Variants in COG3 observed in about 807,000 individuals in gnomAD.
COG3 encodes component of oligomeric golgi complex 3.
A neutral mutation model predicts 114.1 loss-of-function variants in COG3; 32 were observed. The ratio of observed to expected loss-of-function variants is 0.28; its 90% CI spans 0.21 to 0.38. The LOEUF (loss-of-function observed/expected upper bound fraction) is 0.38. Ranked by LOEUF, COG3 falls within the 10% of genes least tolerant of loss-of-function variation. The pLI is 1.00. For synonymous variants in COG3, 352 were observed against 365.7 expected (o/e 0.96, Z 0.43); for missense variants, 813 against 973.2 (o/e 0.84, Z 2.19).
In COG3 at chr13:45,534,821, G is replaced by T; in HGVS notation, c.*90G>T. ...TCTGCAGGACACCGAGGAATCGTAT[G>T]TGGGAACGTCCCCGAGAACCACACG... On this transcript the variant is annotated 3_prime_UTR_variant, in exon 23 of 23. Transcript: ENST00000349995. 1 of 1,429,070 alleles carries T rather than the reference G, an allele frequency of 7.0e-7. No individual in the cohort carries two copies. Among genetic ancestry groups the T allele is most frequent in the African/African-American group, 1.5e-5 (1 of 67,532 alleles). 88.5% of individuals were successfully genotyped at this position (1,429,070 alleles called of 1,614,324 possible).
At position 45,509,930 on chromosome 13, in the gene COG3, A is replaced by G. The variant is rs941547534; in HGVS notation, c.1719+114A>G. On this transcript the variant is annotated intron_variant, in intron 15 of 22. Transcript: ENST00000349995. ...GGATATTCTTAAAATCATGATTTTT[A>G]GATATGGAAGTAACTTGAGGTCAAG... 2.5e-5 allele frequency: 27 copies of G among 1,095,446 alleles called. No individual in the cohort carries two copies. The African/African-American group carries it at 4.0e-4, about 16-fold the overall frequency. 67.9% of individuals were successfully genotyped at this position (1,095,446 alleles called of 1,614,324 possible). A position where few individuals can be genotyped will look rare whatever the true frequency, so the allele number is the denominator to read the frequency against.
At position 45,521,577 on chromosome 13, in the gene COG3, G is replaced by GCGCACACACACA. The variant is rs147991863; in HGVS notation, c.2154+2484_2154+2485insGCACACACACAC. ...GAGTCAGAGACAAAGATACATACGT[G>GCGCACACACACA]CACACACACACACACACACACACAC... On this transcript the variant is annotated intron_variant, in intron 19 of 22. Coordinates refer to ENST00000349995, the MANE Select transcript of COG3 (RefSeq NM_031431.4). Among the ~76,000 whole-genome samples the GCGCACACACACA allele has an allele frequency of 8.8e-3, 1,301 of 148,470 alleles. 21 individuals are homozygous for GCGCACACACACA. The highest frequency in any genetic ancestry group is 0.031 in the African/African-American group (1,241 of 40,650).
At chr13:45,509,932 A>G (rs1566263758) in intron 15 of COG3, 116 bp downstream of exon 15, 5 of 1,090,402 alleles carry the variant, frequency 4.6e-6, no homozygotes, top group Non-Finnish European at 6.5e-6. Flanking sequence ...TGATTTTTAG[A>G]TATGGAAGTA....
Position 45,529,841 on chromosome 13 carries a change from C to G in COG3, c.2281C>G (p.Leu761Val). ...TGCATATAAGACAATAAAAACAAAG[C>G]TGCCTGTGACATTGAGAAGTATGTC... ...ATAYKTIKTK[L>V]PVTLRSMSLY... Residue 761 changes from leucine to valine, a missense_variant, in exon 21 of 23, where the codon CTG (leucine) becomes GTG (valine). Leu to Val is a conservative substitution (Grantham distance 32, BLOSUM62 1). This residue lies in a region of COG3 where 389 missense variants were observed against 542.6 expected (regional missense o/e 0.72). Coordinates refer to ENST00000349995, the MANE Select transcript of COG3 (RefSeq NM_031431.4). The G allele has an allele frequency of 1.2e-6, 2 of 1,613,528 alleles. No individual in the cohort carries two copies. Among genetic ancestry groups the G allele is most frequent in the Non-Finnish European group, 1.7e-6 (2 of 1,179,536 alleles).
At chr13:45,484,915 G>T (rs1263094632) in intron 7 of COG3, among the ~76,000 whole-genome samples, 9 of 145,852 alleles carry the variant, frequency 6.2e-5, no homozygotes, top group Admixed American at 3.4e-4. Flanking sequence ...ACAGGGTTGG[G>T]GGTAAGGTCA....
At chr13:45,522,891 A>C (rs866256650) in intron 19 of COG3, among the ~76,000 whole-genome samples, 8 of 152,236 alleles carry the variant, frequency 5.3e-5, no homozygotes, top group African/African-American at 1.9e-4. Flanking sequence ...GGTAGTGGTT[A>C]TAGTAGAAAG....
chr13:45,526,338 G>A (rs151186852), intron 20 of COG3, among the ~76,000 whole-genome samples: 3 of 151,638 alleles, frequency 2.0e-5, no homozygotes, highest in East Asian at 1.9e-4. Flanking sequence ...CGCCCACCTC[G>A]ACCTCCCAAA....
chr13:45,512,522 A>G (rs1870975847), intron 16 of COG3, among the ~76,000 whole-genome samples: 1 of 152,026 alleles, frequency 6.6e-6, no homozygotes, highest in Non-Finnish European at 1.5e-5. Flanking sequence ...TTGTGGAGAC[A>G]GGATTTTGTC....
chr13:45,505,017 T>C (rs2137865358), intron 14 of COG3, among the ~76,000 whole-genome samples: 1 of 151,786 alleles, frequency 6.6e-6, no homozygotes, highest in South Asian at 2.1e-4. Flanking sequence ...TGAAACCCCG[T>C]CTCTACTAAA....
At chr13:45,500,090 GTGTGTATATATATATATA>G (rs1241606655) in intron 13 of COG3, among the ~76,000 whole-genome samples, 655 of 42,664 alleles carry the variant, frequency 0.015, 4 homozygotes, top group Admixed American at 0.034. Flanking sequence ...GTGTGTGTGT[GTGTGTATATATATATATA>G]TATATATAAA....
intron 7 of COG3, among the ~76,000 whole-genome samples, chr13:45,484,218 A>T (rs1886427212): frequency 6.6e-6 from 1 of 152,204 alleles, no homozygotes; most frequent in Non-Finnish European, 1.5e-5. Flanking sequence ...TAGCTGACAT[A>T]CCAACTAACC....
chr13:45,468,349 C>T (rs139239573), intron 1 of COG3, among the ~76,000 whole-genome samples: 2 of 152,236 alleles, frequency 1.3e-5, no homozygotes, highest in East Asian at 3.9e-4. Context: ...AAGTTACTTG[C>T]TATTATTCTT....
At chr13:45,523,118 T>G (rs1173414901) in intron 19 of COG3, among the ~76,000 whole-genome samples, 1 of 151,342 alleles carries the variant, frequency 6.6e-6, no homozygotes, top group Non-Finnish European at 1.5e-5. Flanking sequence ...AAAGGAAGTA[T>G]AATTCCAGGT....
chr13:45,484,581 T>C (rs909649581), intron 7 of COG3, among the ~76,000 whole-genome samples: 5 of 4,742 alleles, frequency 1.1e-3, no homozygotes, highest in Non-Finnish European at 1.3e-3. Context: ...AGCTTGCTTA[T>C]TTATTTATTT....
intron 19 of COG3, among the ~76,000 whole-genome samples, chr13:45,522,072 T>C (rs1055440162): frequency 2.0e-5 from 3 of 152,202 alleles, no homozygotes; most frequent in African/African-American, 7.2e-5. Flanking sequence ...CCCAAAGTGC[T>C]GAGATAACAG....
At chr13:45,521,623 A>T (rs1486950868) in intron 19 of COG3, among the ~76,000 whole-genome samples, 1 of 151,878 alleles carries the variant, frequency 6.6e-6, no homozygotes, top group Non-Finnish European at 1.5e-5. Context: ...CAGACACTGC[A>T]TCTTAAAATT....
chr13:45,482,014 A>G (rs1379820249), intron 5 of COG3, among the ~76,000 whole-genome samples: 1 of 152,160 alleles, frequency 6.6e-6, no homozygotes, highest in East Asian at 1.9e-4. Context: ...TTTAATCTTC[A>G]GAAAAATCAC....
chr13:45,486,289 TCGGGAGACGGGAGACGGGAGA>T (rs772080989), intron 7 of COG3, among the ~76,000 whole-genome samples, 185 bp from the exon 8 acceptor site: 1,966 of 108,788 alleles, frequency 0.018, 325 homozygotes, highest in African/African-American at 0.08. Flanking sequence ...AGGGAGACCA[TCGGGAGACGGGAGACGGGAGA>T]CGGGAGACGG....
chr13:45,531,512 TTTGTTTTG>T (rs2137934056), intron 22 of COG3, among the ~76,000 whole-genome samples: 1 of 150,582 alleles, frequency 6.6e-6, no homozygotes, highest in South Asian at 2.1e-4. Context: ...GTGTTTTTGT[TTTGTTTTG>T]TTTTGTTTTG....
Sources: allele counts gnomAD v4.1 joint callset (sites outside exome capture counted in the v4.1 genomes callset), GRCh38; gene constraint gnomAD v4.1.1; regional missense constraint gnomAD v4.1.1; transcripts MANE v1.5; gene names NCBI Gene and HGNC (gene_info 2026-07-23, HGNC 2026-07-21).